BFSP1: variants seen among roughly 807,000 people sequenced by gnomAD.
BFSP1 encodes beaded filament structural protein 1.
BFSP1 carries 38 observed loss-of-function variants against 43.9 expected under a neutral mutation model. The ratio of observed to expected loss-of-function variants is 0.87; its 90% CI spans 0.67 to 1.14. The LOEUF is 1.14. BFSP1 is among the 50% of genes most tolerant of loss of function. The probability of loss-of-function intolerance (pLI) is 0.00; values close to 1 mark genes in which losing one functional copy is unlikely to be tolerated. For synonymous variants in BFSP1, 352 were observed against 354.8 expected (o/e 0.99, Z 0.09); for missense variants, 850 against 875.1 (o/e 0.97, Z 0.36).
intron 4 of BFSP1, among the ~76,000 whole-genome samples, chr20:17,511,237 A>C (rs1559958): frequency 6.6e-6 from 1 of 152,070 alleles, no homozygotes. Flanking sequence ...ACATAATATC[A>C]GAAGTAATTT....
intron 1 of BFSP1, among the ~76,000 whole-genome samples, chr20:17,557,638 G>A (rs1568720297): frequency 6.6e-6 from 1 of 152,166 alleles, no homozygotes; most frequent in Non-Finnish European, 1.5e-5. Context: ...GGACCTTCAT[G>A]CGCCTAACAG....
chr20:17,539,725 C>T (rs967083296), intron 1 of BFSP1, among the ~76,000 whole-genome samples: 2 of 151,782 alleles, frequency 1.3e-5, no homozygotes, highest in African/African-American at 2.4e-5. Flanking sequence ...ATGATTGTGT[C>T]GCTGCACTCC....
At chr20:17,555,318 T>C (rs1236787213) in intron 1 of BFSP1, among the ~76,000 whole-genome samples, 1 of 133,606 alleles carries the variant, frequency 7.5e-6, no homozygotes, top group Non-Finnish European at 1.6e-5. Context: ...AAAAGAATAG[T>C]ACAAAGTTTT....
rs1022461977 is a variant in BFSP1 at position 17,494,971 on chromosome 20, G to C, written c.1101C>G (p.Pro367=). 1 of 1,613,966 alleles carries C rather than the reference G, an allele frequency of 6.2e-7. No homozygotes were observed. The highest frequency in any genetic ancestry group is 1.3e-5 in the African/African-American group (1 of 74,970). The change falls in exon 8 of 8, where the codon CCC becomes CCG. Residue 367 remains proline, a synonymous_variant. Transcript: ENST00000377873. ...TCTCTTTTCTCCTTGGAACATTCTT[G>C]GGGAGGGCTTTTTGTCTTGGTTTTG... ...TAAKPRQKAL[P]KNVPRRKEII... is the part of the protein sequence containing the mutation.
chr20:17,552,033 G>A (rs183241354), intron 1 of BFSP1, among the ~76,000 whole-genome samples: 6 of 152,230 alleles, frequency 3.9e-5, no homozygotes, highest in Admixed American at 3.9e-4. Context: ...CCCTGTTCTT[G>A]TGGAGCTTAT....
chr20:17,511,272 C>A (rs1046867273), intron 4 of BFSP1, among the ~76,000 whole-genome samples: 5 of 152,186 alleles, frequency 3.3e-5, no homozygotes, highest in Admixed American at 1.3e-4. Context: ...TTAATTTTTA[C>A]AAATTGGCTT....
At chr20:17,546,676 C>T (rs2034805949) in intron 1 of BFSP1, among the ~76,000 whole-genome samples, 1 of 151,462 alleles carries the variant, frequency 6.6e-6, no homozygotes, top group Admixed American at 6.6e-5. Context: ...TGCATTCCAG[C>T]CTGGGCAACA....
At position 17,494,987 on chromosome 20, in the gene BFSP1, C is replaced by G. The variant is rs1265924036; in HGVS notation, c.1085G>C (p.Arg362Thr). 1 of 1,613,670 alleles carries G rather than the reference C, an allele frequency of 6.2e-7. No individual in the cohort carries two copies. Among genetic ancestry groups the G allele is most frequent in the African/African-American group, 1.3e-5 (1 of 74,814 alleles). The change falls in exon 8 of 8, where the codon AGA becomes ACA. Residue 362 changes from arginine (R) to threonine (T), a missense_variant. Transcript: ENST00000377873. ...ALQDITAAKP[R>T]QKALPKNVPR... ...AACATTCTTGGGGAGGGCTTTTTGT[C>G]TTGGTTTTGCTGCTGTTATATCCTG...
chr20:17,564,055 A>G lies in BFSP1; in HGVS notation n.51-960T>C, dbSNP rs554446930. 2.2e-4 allele frequency among the ~76,000 whole-genome samples: 34 copies of G among 152,198 alleles called. 1 individual carries two copies. The East Asian group carries it at 6.6e-3, about 29-fold the overall frequency. ...AAGCAACAGTATAGAAATTGGGGCCAGGTGTGGTGGCTCATGCCTGTAATT... is the reference window on the plus strand; with the variant it reads ...AAGCAACAGTATAGAAATTGGGGCCGGGTGTGGTGGCTCATGCCTGTAATT... On this transcript the variant is annotated intron_variant and non_coding_transcript_variant, in intron 1 of 6. Transcript: ENST00000473415.
chr20:17,518,249 G>T (rs1056513517), intron 2 of BFSP1, among the ~76,000 whole-genome samples: 1 of 152,184 alleles, frequency 6.6e-6, no homozygotes, highest in African/African-American at 2.4e-5. Context: ...CCAGGACACT[G>T]AACTGTCCAA....
In BFSP1 at chr20:17,551,428, C is replaced by T. The variant is rs1387909335; in HGVS notation, c.2+7260G>A. Among the ~76,000 whole-genome samples the T allele has an allele frequency of 2.0e-5, 3 of 152,308 alleles. No homozygotes were observed. In the East Asian group the frequency reaches 5.8e-4, roughly 29 times the overall value. Reference sequence around the variant, plus strand: ...CTAAGCCGTTTATGAGTGATCCACACCCACGATCCAATCACCTCCCACCAG... The same window carrying T: ...CTAAGCCGTTTATGAGTGATCCACATCCACGATCCAATCACCTCCCACCAG... On this transcript the variant is annotated intron_variant, in intron 1 of 7. Transcript: ENST00000377868.
In BFSP1 at chr20:17,530,937, G is replaced by A. The variant is rs1344047939; in HGVS notation, c.377+16C>T. 1 of 1,408,206 alleles carries A rather than the reference G, an allele frequency of 7.1e-7. No homozygotes were observed. The highest frequency in any genetic ancestry group is 3.0e-5 in the Admixed American group (1 of 33,372). The allele number at this position is 1,408,206 out of a possible 1,614,324, so 87.2% of individuals were successfully genotyped here. The stretch of plus-strand genomic sequence containing the variant: ...CCCACGCCCTGCCTCGGTTTCCCCC[G>A]ATGGCCGCCGCTTACTTGCTTCGGA... On this transcript the variant is annotated intron_variant, in intron 1 of 7. Transcript: ENST00000377873.
intron 4 of BFSP1, 76 bp downstream of exon 4, chr20:17,511,900 G>A (rs1221200843): frequency 4.4e-6 from 6 of 1,368,906 alleles, no homozygotes; most frequent in Non-Finnish European, 6.2e-6. Flanking sequence ...AGTCCAACCT[G>A]TGAGCCCTTC....
intron 1 of BFSP1, among the ~76,000 whole-genome samples, chr20:17,529,162 T>G (rs1426703389): frequency 1.3e-5 from 2 of 151,518 alleles, no homozygotes; most frequent in Admixed American, 1.3e-4. Flanking sequence ...AGCCTCCGCC[T>G]CCCAGATTCA....
chr20:17,508,122 G>A (rs535081592), intron 5 of BFSP1, among the ~76,000 whole-genome samples: 1 of 152,276 alleles, frequency 6.6e-6, no homozygotes, highest in South Asian at 2.1e-4. Context: ...CAAACCAAAT[G>A]TCAACTTACT....
At position 17,557,855 on chromosome 20, in the gene BFSP1, TG is replaced by T. The variant is rs956165694; in HGVS notation, c.2+832del. On this transcript the variant is annotated intron_variant, in intron 1 of 7. Coordinates refer to the BFSP1 transcript ENST00000377868. ...ACCCAGCTGAAAGGCAGATCCAAGC[TG>T]CTCACTCCCAGCTGTTAGTAAGTGG... Among the ~76,000 whole-genome samples the T allele has an allele frequency of 2.0e-5, 3 of 152,334 alleles. No homozygotes were observed. The East Asian group carries it at 5.8e-4, about 29-fold the overall frequency.
intron 1 of BFSP1, among the ~76,000 whole-genome samples, chr20:17,557,472 C>T (rs1378948906): frequency 1.3e-5 from 2 of 152,108 alleles, no homozygotes; most frequent in Non-Finnish European, 2.9e-5. Context: ...CCCCTATGTC[C>T]CCTACAACGT....
chr20:17,499,012 C>A lies in BFSP1; in HGVS notation c.764G>T (p.Ser255Ile). Residue 255 changes from serine to isoleucine, a missense_variant, in exon 6 of 8, where the codon AGT becomes ATT. Coordinates refer to ENST00000377873, the MANE Select transcript of BFSP1 (RefSeq NM_001195.5). ...QTTTLEQAIK[S>I]AHECYDDEIQ... is the part of the protein sequence containing the mutation. ...CTCATCGTCATAACACTCATGGGCA[C>A]TTTTAATAGCTTGTTCCAGAGTTGT... 1.2e-6 allele frequency: 2 copies of A among 1,614,180 alleles called. No individual in the cohort carries two copies. The highest frequency in any genetic ancestry group is 1.7e-6 in the Non-Finnish European group (2 of 1,180,016).
At chr20:17,524,625 T>C (rs1282026401) in intron 2 of BFSP1, among the ~76,000 whole-genome samples, 1 of 152,208 alleles carries the variant, frequency 6.6e-6, no homozygotes, top group Non-Finnish European at 1.5e-5. Context: ...ACCAACAAGC[T>C]TCATAGTCTG....
Sources: gnomAD v4.1 joint callset for allele counts (sites outside exome capture counted in the v4.1 genomes callset) on GRCh38, gnomAD v4.1.1 for gene constraint, MANE v1.5 for transcripts, NCBI Gene and HGNC (gene_info 2026-07-23, HGNC 2026-07-21) for gene names.